MBTPS1: variants seen among roughly 807,000 people sequenced by gnomAD.
The protein encoded by MBTPS1 is membrane-bound transcription factor site-1 protease.
A neutral mutation model predicts 127.8 loss-of-function variants in MBTPS1; 94 were observed. That is an observed-to-expected ratio of 0.74 (90% CI 0.62 to 0.87). The LOEUF (loss-of-function observed/expected upper bound fraction) is 0.87. Among genes scored for constraint, MBTPS1 ranks in the 40% least tolerant of loss-of-function variants. The pLI is 0.00. For synonymous variants in MBTPS1, 632 were observed against 509.4 expected (o/e 1.24, Z -3.24); for missense variants, 1,636 against 1,353.2 (o/e 1.21, Z -3.28).
intron 2 of MBTPS1, among the ~76,000 whole-genome samples, chr16:84,100,229 T>C (rs932596585): frequency 6.6e-6 from 1 of 151,482 alleles, no homozygotes; most frequent in Non-Finnish European, 1.5e-5. Context: ...CTGGGCAACA[T>C]GGTGAAACAA....
chr16:84,061,260 C>T (rs999783), intron 19 of MBTPS1: 36,950 of 156,908 alleles, frequency 0.24, 4,801 homozygotes, highest in East Asian at 0.35. Context: ...TCTCATAAGA[C>T]ATGCATTCTC....
Position 84,101,867 on chromosome 16 carries a change from G to C in MBTPS1, c.-84C>G. 1 of 1,304,646 alleles carries C rather than the reference G, an allele frequency of 7.7e-7. No individual in the cohort carries two copies. The highest frequency in any genetic ancestry group is 1.1e-6 in the Non-Finnish European group (1 of 924,352). The allele number at this position is 1,304,646 out of a possible 1,614,324, so 80.8% of individuals were successfully genotyped here. A position where few individuals can be genotyped will look rare whatever the true frequency, so the allele number is the denominator to read the frequency against. On this transcript the variant is annotated 5_prime_UTR_variant, in exon 2 of 23. Transcript: ENST00000343411. ...TGATTAAAAGTGAATTTTTGTTTCAGCTAAAAGCTGCAACATTACTAATCA... is the reference window on the plus strand; with the variant it reads ...TGATTAAAAGTGAATTTTTGTTTCACCTAAAAGCTGCAACATTACTAATCA...
chr16:84,087,503 A>T, intron 8 of MBTPS1, 43 bp from the exon 9 acceptor site: 1 of 1,276,330 alleles, frequency 7.8e-7, no homozygotes, highest in Non-Finnish European at 1.1e-6. Context: ...AGAAAAAGAA[A>T]AAAACAAGAG....
chr16:84,065,971 C>T (rs1299262910), intron 17 of MBTPS1, among the ~76,000 whole-genome samples: 9 of 152,150 alleles, frequency 5.9e-5, no homozygotes, highest in African/African-American at 2.2e-4. Flanking sequence ...ACACTACTAA[C>T]ATCAGGTTTC....
At chr16:84,108,632 C>T (rs534133779) in intron 1 of MBTPS1, among the ~76,000 whole-genome samples, 1 of 152,308 alleles carries the variant, frequency 6.6e-6, no homozygotes, top group Non-Finnish European at 1.5e-5. Flanking sequence ...AAGAATTCTG[C>T]TGAAGACAAG....
intron 9 of MBTPS1, among the ~76,000 whole-genome samples, chr16:84,087,072 G>A (rs1402543683): frequency 6.6e-6 from 1 of 152,176 alleles, no homozygotes; most frequent in East Asian, 1.9e-4. Context: ...CTAAAGGTGA[G>A]TTCCTCAGAA....
At chr16:84,063,524 TGACA>T in intron 18 of MBTPS1, 79 bp from the exon 19 acceptor site, 1 of 1,362,816 alleles carries the variant, frequency 7.3e-7, no homozygotes, top group South Asian at 1.3e-5. Context: ...TTCATCCACG[TGACA>T]AATAAACCAC....
intron 2 of MBTPS1, 138 bp from the exon 3 acceptor site, chr16:84,099,448 A>C (rs2086224562): frequency 1.2e-6 from 1 of 852,630 alleles, no homozygotes; most frequent in Non-Finnish European, 1.8e-6. Context: ...CACAAAGACT[A>C]GTTTAAGTAC....
At chr16:84,109,516 C>T (rs1597356096) in intron 1 of MBTPS1, 1 of 152,320 alleles carries the variant, frequency 6.6e-6, no homozygotes, top group Non-Finnish European at 1.5e-5. Flanking sequence ...GGAGCCAGGT[C>T]TACGAGAGCA....
chr16:84,078,468 C>T (rs1329797866), intron 11 of MBTPS1, among the ~76,000 whole-genome samples: 2 of 146,930 alleles, frequency 1.4e-5, no homozygotes, highest in East Asian at 2.0e-4. Flanking sequence ...CAGAGCTACC[C>T]GATGCTCTCA....
chr16:84,104,492 A>T (rs1485297661), intron 1 of MBTPS1, among the ~76,000 whole-genome samples: 14 of 152,144 alleles, frequency 9.2e-5, no homozygotes, highest in Non-Finnish European at 1.5e-5. Flanking sequence ...CAAACAAAAA[A>T]GCCTCTTAAA....
intron 4 of MBTPS1, among the ~76,000 whole-genome samples, chr16:84,095,204 C>T (rs2086162412): frequency 6.6e-6 from 1 of 152,176 alleles, no homozygotes; most frequent in South Asian, 2.1e-4. Context: ...GATCAGGGAC[C>T]ATCTTTCCCC....
In MBTPS1 at chr16:84,070,779, G is replaced by A; in HGVS notation, c.1594-3C>T. The A allele has an allele frequency of 6.3e-7, 1 of 1,595,882 alleles. No individual in the cohort carries two copies. ...GGCAAATAGGGCTGCCAGTCAGGCTGCAGGAAAAAGAAATCAGACAAAGGC... is the reference window on the plus strand; with the variant it reads ...GGCAAATAGGGCTGCCAGTCAGGCTACAGGAAAAAGAAATCAGACAAAGGC... On this transcript the variant is annotated splice_polypyrimidine_tract_variant and splice_region_variant and intron_variant, in intron 12 of 22. Coordinates refer to ENST00000343411, the MANE Select transcript of MBTPS1 (RefSeq NM_003791.4).
chr16:84,081,488 A>G (rs1237683491), intron 11 of MBTPS1: 1 of 284,734 alleles, frequency 3.5e-6, no homozygotes, highest in East Asian at 5.9e-5. Flanking sequence ...CTAAGAAAGT[A>G]AACAACAAAA....
chr16:84,101,880 A>C lies in MBTPS1; in HGVS notation c.-97T>G. ...ATTTTTGTTTCAGCTAAAAGCTGCAACATTACTAATCAGCCATCTTACAGT... is the reference window on the plus strand; with the variant it reads ...ATTTTTGTTTCAGCTAAAAGCTGCACCATTACTAATCAGCCATCTTACAGT... On this transcript the variant is annotated 5_prime_UTR_variant, in exon 2 of 23. Coordinates refer to ENST00000343411, the MANE Select transcript of MBTPS1 (RefSeq NM_003791.4). 1 of 1,147,496 alleles carries C rather than the reference A, an allele frequency of 8.7e-7. No individual in the cohort carries two copies. Among genetic ancestry groups the C allele is most frequent in the Non-Finnish European group, 1.3e-6 (1 of 786,320 alleles). 71.1% of individuals were successfully genotyped at this position (1,147,496 alleles called of 1,614,324 possible). A position where few individuals can be genotyped will look rare whatever the true frequency, so the allele number is the denominator to read the frequency against.
rs145259105 is a variant in MBTPS1, at chr16:84,059,316, G to A, written c.2817C>T (p.Asn939=). 8.9e-5 allele frequency: 143 copies of A among 1,613,796 alleles called. No homozygotes were observed. Among genetic ancestry groups the A allele is most frequent in the Non-Finnish European group, 1.2e-4 (136 of 1,179,838 alleles). Residue 939 remains asparagine, a synonymous_variant, in exon 21 of 23, where the codon AAC becomes AAT. Transcript: ENST00000343411. Reference sequence around the variant, plus strand: ...CGGACACTAACCTGGGCGCCGTCTCGTTTAAAGGCTGTGGCTTGGCCCAAG... The same window carrying A: ...CGGACACTAACCTGGGCGCCGTCTCATTTAAAGGCTGTGGCTTGGCCCAAG... The part of the protein sequence containing the change: ...RLSWAKPQPL[N]ETAPSNLWKH...
Position 84,085,110 on chromosome 16 carries a change from T to G in MBTPS1, c.1159A>C (p.Met387Leu). The change falls in exon 10 of 23, where the codon ATG becomes CTG. Residue 387 changes from methionine (M) to leucine (L), a missense_variant. Transcript: ENST00000343411. ...CCATAGGTGACAATGTCAGGTTTCA[T>G]GCGACCGTAGCCTCCTGGTAGCTCC... Reference protein sequence around the residue: ...TWELPGGYGRMKPDIVTYGAG... With the variant: ...TWELPGGYGRLKPDIVTYGAG... The G allele has an allele frequency of 6.2e-7, 1 of 1,614,234 alleles. No individual in the cohort carries two copies. The highest frequency in any genetic ancestry group is 1.3e-5 in the African/African-American group (1 of 75,060).
rs376359016 is a variant in MBTPS1 at position 84,081,818 on chromosome 16, A to T, written c.1377T>A (p.Phe459Leu). ...GATCGAGCTTGCCGTGGCCTTGCTC[A>T]AACATGTTGACCCCGGGGAGCCTCC... ...SARRLPGVNM[F>L]EQGHGKLDLL... The change falls in exon 11 of 23, where the codon TTT (phenylalanine) becomes TTA (leucine). Residue 459 changes from phenylalanine to leucine, a missense_variant. By Grantham distance (22) the Phe-to-Leu change is conservative (BLOSUM62 0). Coordinates refer to ENST00000343411, the MANE Select transcript of MBTPS1 (RefSeq NM_003791.4). 2.0e-6 allele frequency: 3 copies of T among 1,532,234 alleles called. No individual in the cohort carries two copies. Among genetic ancestry groups the T allele is most frequent in the Non-Finnish European group, 2.6e-6 (3 of 1,139,088 alleles). 94.9% of individuals were successfully genotyped at this position (1,532,234 alleles called of 1,614,324 possible).
intron 3 of MBTPS1, among the ~76,000 whole-genome samples, chr16:84,098,206 C>G (rs2151166606): frequency 6.6e-6 from 1 of 152,356 alleles, no homozygotes; most frequent in Admixed American, 6.5e-5. Context: ...CATGCTCACA[C>G]CTGCACAGCT....
Sources: gnomAD v4.1 joint callset for allele counts (sites outside exome capture counted in the v4.1 genomes callset) on GRCh38, gnomAD v4.1.1 for gene constraint, MANE v1.5 for transcripts, NCBI Gene and HGNC (gene_info 2026-07-23, HGNC 2026-07-21) for gene names.